RBMS3: variants seen among roughly 807,000 people sequenced by gnomAD.
RBMS3 encodes the protein RNA-binding motif, single-stranded-interacting protein 3.
A neutral mutation model predicts 66.8 loss-of-function variants in RBMS3; 27 were observed. The ratio of observed to expected loss-of-function variants is 0.40; its 90% CI spans 0.30 to 0.56. The LOEUF (loss-of-function observed/expected upper bound fraction) is 0.56. RBMS3 is among the 20% of genes least tolerant of loss of function. The pLI, the probability that RBMS3 is intolerant of heterozygous loss-of-function variation, is 0.40. For missense variants in RBMS3, 513 were observed against 549.5 expected, an observed-to-expected ratio of 0.93 and a Z score of 0.66; for synonymous variants, 188 against 183.0, an observed-to-expected ratio of 1.03 and a Z score of -0.22.
intron 1 of RBMS3, among the ~76,000 whole-genome samples, chr3:29,329,047 T>A (rs546088479): frequency 9.9e-5 from 15 of 152,280 alleles, no homozygotes; most frequent in Non-Finnish European, 1.9e-4. Context: ...TTTAAATCAG[T>A]ATTGTTTCTT....
chr3:30,009,253 T>G lies in RBMS3; in HGVS notation c.*5391T>G, dbSNP rs1699891420. The G allele has an allele frequency of 6.6e-6, 1 of 152,136 alleles. No individual in the cohort carries two copies. 9.4% of individuals were successfully genotyped at this position (152,136 alleles called of 1,614,324 possible). ...ATCTACTTTGTGGGTGTGTTTTGTT[T>G]TTTCTTTTCAGCGTGTAGGGCTTGG... On this transcript the variant is annotated 3_prime_UTR_variant, in exon 15 of 15. Coordinates refer to ENST00000383767, the MANE Select transcript of RBMS3 (RefSeq NM_001003793.3).
chr3:29,999,293 G>A (rs1699457205), intron 14 of RBMS3, among the ~76,000 whole-genome samples: 2 of 152,188 alleles, frequency 1.3e-5, no homozygotes, highest in Non-Finnish European at 2.9e-5. Flanking sequence ...GGAGAAATAG[G>A]AACACTTTGA....
intron 3 of RBMS3, among the ~76,000 whole-genome samples, chr3:29,558,149 C>T (rs1420845038): frequency 6.6e-6 from 1 of 152,068 alleles, no homozygotes; most frequent in Non-Finnish European, 1.5e-5. Flanking sequence ...GTCAATTCCT[C>T]CATATACATA....
intron 12 of RBMS3, among the ~76,000 whole-genome samples, chr3:29,963,543 A>T (rs1388875114): frequency 2.0e-5 from 3 of 152,274 alleles, no homozygotes; most frequent in African/African-American, 7.2e-5. Context: ...ACATTTTCAC[A>T]TTGGCTAAGC....
intron 4 of RBMS3, among the ~76,000 whole-genome samples, chr3:29,610,976 G>A (rs989818137): frequency 4.6e-5 from 7 of 151,872 alleles, no homozygotes; most frequent in African/African-American, 1.7e-4. Flanking sequence ...GATTTGTCAA[G>A]TCTTTGGTGC....
intron 12 of RBMS3, among the ~76,000 whole-genome samples, chr3:29,951,872 C>G (rs148609242): frequency 3.6e-4 from 55 of 151,254 alleles, no homozygotes; most frequent in African/African-American, 1.0e-3. Context: ...GAAAAGATGA[C>G]AAAAGTGAAC....
At chr3:29,558,798 G>T (rs180721266) in intron 3 of RBMS3, among the ~76,000 whole-genome samples, 11 of 152,272 alleles carry the variant, frequency 7.2e-5, no homozygotes, top group East Asian at 5.8e-4. Context: ...TCCAGGACAG[G>T]TCCCAGTAAC....
At chr3:29,893,396 C>G (rs1165592905) in intron 8 of RBMS3, among the ~76,000 whole-genome samples, 1 of 151,496 alleles carries the variant, frequency 6.6e-6, no homozygotes, top group Non-Finnish European at 1.5e-5. Context: ...TCAATCCAAT[C>G]TTTATTGCTT....
chr3:29,561,106 C>T (rs1362601867), intron 3 of RBMS3, among the ~76,000 whole-genome samples: 4 of 40,628 alleles, frequency 9.8e-5, no homozygotes, highest in Non-Finnish European at 1.4e-4. Flanking sequence ...TTCCATGGTG[C>T]CTATGTACCA....
chr3:29,772,638 TAGG>T (rs1399761703), intron 6 of RBMS3, among the ~76,000 whole-genome samples: 2 of 151,866 alleles, frequency 1.3e-5, no homozygotes, highest in African/African-American at 2.4e-5. Flanking sequence ...AGGAGCAGCA[TAGG>T]AGGTCGGTGG....
intron 4 of RBMS3, among the ~76,000 whole-genome samples, chr3:29,738,063 A>G (rs2054460750): frequency 6.6e-6 from 1 of 152,168 alleles, no homozygotes; most frequent in African/African-American, 2.4e-5. Context: ...ATAATACATC[A>G]TATTCACTCC....
chr3:29,676,772 A>G (rs1416162239), intron 4 of RBMS3, among the ~76,000 whole-genome samples: 2 of 152,210 alleles, frequency 1.3e-5, no homozygotes, highest in Non-Finnish European at 2.9e-5. Context: ...AAAAATATAC[A>G]TGATGATAAC....
chr3:29,303,448 G>C (rs575087471), intron 1 of RBMS3, among the ~76,000 whole-genome samples: 1 of 151,938 alleles, frequency 6.6e-6, no homozygotes, highest in Non-Finnish European at 1.5e-5. Context: ...TTAACCTCTA[G>C]GCCCCTTCCT....
At chr3:29,388,084 G>GAC (rs55679426) in intron 1 of RBMS3, among the ~76,000 whole-genome samples, 23,519 of 146,940 alleles carry the variant, frequency 0.16, 2,330 homozygotes, top group East Asian at 0.54. Context: ...CACACACACA[G>GAC]ACACACACAC....
intron 10 of RBMS3, among the ~76,000 whole-genome samples, chr3:29,915,998 T>C (rs982696548): frequency 2.0e-5 from 3 of 152,060 alleles, no homozygotes; most frequent in African/African-American, 7.2e-5. Context: ...TATGAAGTTA[T>C]GTAGACAGTC....
At chr3:29,705,293 C>G (rs912162364) in intron 4 of RBMS3, among the ~76,000 whole-genome samples, 1 of 152,182 alleles carries the variant, frequency 6.6e-6, no homozygotes, top group South Asian at 2.1e-4. Context: ...GAAGGAAACT[C>G]TCCAATTTAC....
At chr3:29,436,471 T>C (rs574226549) in intron 2 of RBMS3, among the ~76,000 whole-genome samples, 1 of 152,314 alleles carries the variant, frequency 6.6e-6, no homozygotes, top group South Asian at 2.1e-4. Flanking sequence ...AGCTCAGACA[T>C]ACAAATATAC....
intron 1 of RBMS3, among the ~76,000 whole-genome samples, chr3:29,293,081 C>T (rs1262388503): frequency 6.6e-6 from 1 of 151,826 alleles, no homozygotes; most frequent in Non-Finnish European, 1.5e-5. Context: ...GTTGTTTTGA[C>T]TTACTCATCA....
At chr3:29,963,288 C>G (rs1211959603) in intron 12 of RBMS3, among the ~76,000 whole-genome samples, 1 of 152,104 alleles carries the variant, frequency 6.6e-6, no homozygotes, top group Non-Finnish European at 1.5e-5. Context: ...GCCCAGGTTA[C>G]AGTCCAGGCC....
Sources: allele counts gnomAD v4.1 joint callset (sites outside exome capture counted in the v4.1 genomes callset), GRCh38; gene constraint gnomAD v4.1.1; transcripts MANE v1.5; gene names NCBI Gene and HGNC (gene_info 2026-07-23, HGNC 2026-07-21).